The following CLEC16A variants were observed in gnomAD, a reference collection of about 807,000 sequenced individuals.
The protein encoded by CLEC16A is protein CLEC16A.
In CLEC16A, 51 loss-of-function variants were observed where a neutral mutation model predicts 109.5. The ratio of observed to expected loss-of-function variants is 0.47; its 90% CI spans 0.37 to 0.59. CLEC16A has a LOEUF of 0.59. Among genes scored for constraint, CLEC16A ranks in the 20% least tolerant of loss-of-function variants. CLEC16A has a pLI of 0.00. For missense variants in CLEC16A, 1,339 were observed against 1,394.0 expected, an observed-to-expected ratio of 0.96 and a Z score of 0.63; for synonymous variants, 673 against 564.2, an observed-to-expected ratio of 1.19 and a Z score of -2.73.
At position 11,067,208 on chromosome 16, in the gene CLEC16A, TTTA is replaced by T. The variant is rs1410036349; in HGVS notation, c.2116+6187_2116+6189del. Reference sequence around the variant, plus strand: ...GTTTTTGTTTTTTTTTTTTTTTTTTTTTAAAAAAAGCAAGTGCAGACCAATTAC... The same window carrying T: ...GTTTTTGTTTTTTTTTTTTTTTTTTTAAAAAAGCAAGTGCAGACCAATTAC... On this transcript the variant is annotated intron_variant, in intron 19 of 23. Coordinates refer to ENST00000409790, the MANE Select transcript of CLEC16A (RefSeq NM_015226.3). Among the ~76,000 whole-genome samples the T allele has an allele frequency of 1.7e-3, 257 of 147,720 alleles. 4 individuals are homozygous for T. Among genetic ancestry groups the T allele is most frequent in the Non-Finnish European group, 2.0e-3 (136 of 66,908 alleles).
chr16:11,133,114 G>A (rs372749597), intron 22 of CLEC16A, among the ~76,000 whole-genome samples: 1 of 152,092 alleles, frequency 6.6e-6, no homozygotes, highest in Non-Finnish European at 1.5e-5. Flanking sequence ...TAACTCCCCT[G>A]TATCACCTGA....
chr16:11,003,441 T>A, intron 11 of CLEC16A, 136 bp downstream of exon 11: 1 of 685,798 alleles, frequency 1.5e-6, no homozygotes, highest in Non-Finnish European at 2.5e-6. Flanking sequence ...TACCTCACAC[T>A]GGCGTACCTC....
intron 15 of CLEC16A, among the ~76,000 whole-genome samples, chr16:11,043,051 AGT>A (rs1491300187): frequency 6.8e-6 from 1 of 146,806 alleles, no homozygotes; most frequent in Non-Finnish European, 1.5e-5. Context: ...TTCATTTATA[AGT>A]GTGTATATAT....
Position 10,977,398 on chromosome 16 carries a change from A to C in CLEC16A, c.902A>C (p.Lys301Thr). The change falls in exon 8 of 24, where the codon AAG (lysine) becomes ACG (threonine). Residue 301 changes from lysine (K) to threonine (T), a missense_variant and splice_region_variant. Transcript: ENST00000409790. ...LYVYSLENQD[K>T]GGERPKISLP... ...GTGTACTCACTGGAGAACCAGGACA[A>C]GGTGGGTCCAGCCCCGTGGCTCCCG... The C allele has an allele frequency of 6.2e-7, 1 of 1,612,654 alleles. No individual in the cohort carries two copies. The highest frequency in any genetic ancestry group is 1.1e-5 in the South Asian group (1 of 90,844).
Position 11,164,221 on chromosome 16 carries a change from T to C in CLEC16A, c.2642-2167T>C, listed in dbSNP as rs571892646. Among the ~76,000 whole-genome samples, 73 of 152,296 alleles carry C rather than the reference T, an allele frequency of 4.8e-4. 1 individual carries two copies. The highest frequency in any genetic ancestry group is 9.1e-4 in the Non-Finnish European group (62 of 68,036). ...CCCTCCACGCAAGAGGAGCTGGTGC[T>C]CAGGATGACCGCCTCACTCGGAGAC... On this transcript the variant is annotated intron_variant, in intron 22 of 23. Coordinates refer to ENST00000409790, the MANE Select transcript of CLEC16A (RefSeq NM_015226.3).
chr16:11,154,932 T>G (rs147178030), intron 22 of CLEC16A, among the ~76,000 whole-genome samples: 1 of 150,988 alleles, frequency 6.6e-6, no homozygotes, highest in African/African-American at 2.4e-5. Context: ...ATCTCAAAAA[T>G]AAATAAATAA....
intron 10 of CLEC16A, among the ~76,000 whole-genome samples, chr16:10,986,536 G>A (rs2043668002): frequency 6.6e-6 from 1 of 152,044 alleles, no homozygotes; most frequent in South Asian, 2.1e-4. Flanking sequence ...CATACCCACT[G>A]GACAACAACT....
Position 11,123,882 on chromosome 16 carries a change from C to T in CLEC16A, c.2409C>T (p.Ile803=), listed in dbSNP as rs1020751225. ...FIFSDHIRCI[I]AKQRLAKGRI... is the part of the protein sequence containing the mutation. ...TCTCAGACCACATCCGCTGCATCAT[C>T]GCCAAGCAGCGCCTGGCCAAAGGCC... Residue 803 remains isoleucine, a synonymous_variant, in exon 21 of 24, where the codon ATC becomes ATT. Coordinates refer to ENST00000409790, the MANE Select transcript of CLEC16A (RefSeq NM_015226.3). 6.2e-6 allele frequency: 10 copies of T among 1,613,852 alleles called. No homozygotes were observed. In the East Asian group the frequency reaches 6.7e-5, roughly 11 times the overall value.
At chr16:11,026,910 T>C in intron 13 of CLEC16A, 1 of 867,716 alleles carries the variant, frequency 1.2e-6, no homozygotes, top group Non-Finnish European at 1.8e-6. Context: ...GAACGCTGAC[T>C]GGGTCCTCCA....
At chr16:10,957,394 A>G (rs149477975) in intron 1 of CLEC16A, among the ~76,000 whole-genome samples, 7 of 152,344 alleles carry the variant, frequency 4.6e-5, no homozygotes, top group South Asian at 4.1e-4. Flanking sequence ...GAAGGCATCA[A>G]CATGATGGGA....
In CLEC16A at chr16:11,172,095, TAC is replaced by T. The variant is rs574308251; in HGVS notation, c.2806+5547_2806+5548del. On this transcript the variant is annotated intron_variant, in intron 23 of 23. Transcript: ENST00000409790. The stretch of plus-strand genomic sequence containing the variant: ...ACACATGCCACTGCACATGCTCACA[TAC>T]ACAAATTTGCATGCATAGTCACACA... Among the ~76,000 whole-genome samples, 383 of 150,608 alleles carry T rather than the reference TAC, an allele frequency of 2.5e-3. 2 individuals carry two copies. Among genetic ancestry groups the T allele is most frequent in the Admixed American group, 5.3e-3 (80 of 15,154 alleles).
At chr16:10,972,649 C>T in intron 6 of CLEC16A, 90 bp downstream of exon 6, 1 of 1,204,936 alleles carries the variant, frequency 8.3e-7, no homozygotes, top group Non-Finnish European at 1.2e-6. Flanking sequence ...TCAGTGTAGT[C>T]TAGCTCAGTC....
At chr16:11,028,736 C>T (rs1398468322) in intron 13 of CLEC16A, among the ~76,000 whole-genome samples, 1 of 152,126 alleles carries the variant, frequency 6.6e-6, no homozygotes, top group Admixed American at 6.6e-5. Flanking sequence ...GGAGATAGTA[C>T]AGTTTCATTA....
intron 12 of CLEC16A, among the ~76,000 whole-genome samples, chr16:11,023,383 G>T (rs2046232390): frequency 6.6e-6 from 1 of 152,090 alleles, no homozygotes; most frequent in Non-Finnish European, 1.5e-5. Flanking sequence ...TGATTTACAA[G>T]AAAATGTTAT....
chr16:10,953,496 C>T (rs557261144), intron 1 of CLEC16A, among the ~76,000 whole-genome samples: 1 of 152,238 alleles, frequency 6.6e-6, no homozygotes, highest in African/African-American at 2.4e-5. Context: ...GAAACACCAT[C>T]CAAGGGAAAG....
intron 11 of CLEC16A, among the ~76,000 whole-genome samples, chr16:11,009,370 T>G (rs566288471): frequency 6.6e-6 from 1 of 152,262 alleles, no homozygotes; most frequent in Non-Finnish European, 1.5e-5. Flanking sequence ...GCTTCCACTT[T>G]TGGCTATTGG....
At chr16:11,075,855 G>A (rs916580293) in intron 19 of CLEC16A, among the ~76,000 whole-genome samples, 1 of 152,120 alleles carries the variant, frequency 6.6e-6, no homozygotes, top group African/African-American at 2.4e-5. Flanking sequence ...GAGCCCAGTT[G>A]ACGAGGGCTG....
chr16:11,135,466 A>C (rs755883245), intron 22 of CLEC16A, among the ~76,000 whole-genome samples: 1 of 152,224 alleles, frequency 6.6e-6, no homozygotes, highest in African/African-American at 2.4e-5. Flanking sequence ...TGGACACAGT[A>C]GGCAGGGCCA....
chr16:10,950,922 C>A (rs948504026), intron 1 of CLEC16A, among the ~76,000 whole-genome samples: 1 of 152,190 alleles, frequency 6.6e-6, no homozygotes, highest in East Asian at 1.9e-4. Context: ...GGAGGAGCAT[C>A]CTAATAAGCT....
Sources: allele counts gnomAD v4.1 joint callset (sites outside exome capture counted in the v4.1 genomes callset), GRCh38; gene constraint gnomAD v4.1.1; transcripts MANE v1.5; gene names NCBI Gene and HGNC (gene_info 2026-07-23, HGNC 2026-07-21).